Variants in ZNF596 observed in about 807,000 individuals in gnomAD.
The protein encoded by ZNF596 is zinc finger protein 596.
A neutral mutation model predicts 48.3 loss-of-function variants in ZNF596; 45 were observed. The observed-to-expected ratio is 0.93, with a 90% confidence interval of 0.73 to 1.19. The LOEUF (loss-of-function observed/expected upper bound fraction) is 1.19, where lower values mean the gene tolerates loss of function less well. ZNF596 is among the 50% of genes most tolerant of loss of function. ZNF596 has a pLI of 0.00. For synonymous variants in ZNF596, 270 were observed against 202.0 expected, an observed-to-expected ratio of 1.34 and a Z score of -2.85; for missense variants, 848 against 599.7, an observed-to-expected ratio of 1.41 and a Z score of -4.32.
chr8:245,759 T>G lies in ZNF596; in HGVS notation c.912T>G (p.Asp304Glu). Residue 304 changes from aspartate to glutamate, a missense_variant, in exon 6 of 6, where the codon GAT (aspartate) becomes GAG (glutamate). By Grantham distance (45) the Asp-to-Glu change is conservative (BLOSUM62 2). Coordinates refer to ENST00000398612, the MANE Select transcript of ZNF596 (RefSeq NM_001042416.3). ...LRKHERTHLG[D>E]KPYGCLLCGK... ...AACATGAGAGAACTCACTTAGGAGA[T>G]AAACCATATGGATGTCTCCTATGTG... The G allele has an allele frequency of 3.1e-6, 5 of 1,612,750 alleles. 1 individual carries two copies. The South Asian group carries it at 4.4e-5, about 14-fold the overall frequency.
intron 1 of ZNF596, chr8:233,217 C>A: frequency 2.3e-6 from 1 of 429,816 alleles, no homozygotes. Context: ...TGGAAATAGA[C>A]AAAATGGGAA....
rs1797056459 is a variant in ZNF596 at position 245,875 on chromosome 8, C to G, written c.1028C>G (p.Ala343Gly). 1.2e-6 allele frequency: 2 copies of G among 1,613,934 alleles called. No homozygotes were observed. The highest frequency in any genetic ancestry group is 1.3e-5 in the African/African-American group (1 of 74,902). The change falls in exon 6 of 6, where the codon GCC (alanine) becomes GGC (glycine). Residue 343 changes from alanine (A) to glycine (G), a missense_variant. By Grantham distance (60) the Ala-to-Gly change is moderately conservative. Coordinates refer to ENST00000398612, the MANE Select transcript of ZNF596 (RefSeq NM_001042416.3). ...KPYECHLCGK[A>G]FSHCSHLRQH... The stretch of plus-strand genomic sequence containing the variant: ...TATGAATGTCATCTATGTGGAAAAG[C>G]CTTCTCTCATTGTTCTCACCTTAGA...
intron 1 of ZNF596, chr8:240,181 C>A (rs113163262): frequency 2.6e-5 from 4 of 152,308 alleles, no homozygotes; most frequent in African/African-American, 9.6e-5. Context: ...ACTTGAGGAA[C>A]TCCCTTTAGC....
chr8:237,525 C>T (rs1796667744), intron 1 of ZNF596: 1 of 151,960 alleles, frequency 6.6e-6, no homozygotes, highest in Non-Finnish European at 1.5e-5. Flanking sequence ...ATTGGAATAC[C>T]CCTTTGATTT....
rs892166161 is a variant in ZNF596 at position 243,790 on chromosome 8, A to G, written c.208A>G (p.Ile70Val). 3 of 1,613,534 alleles carry G rather than the reference A, an allele frequency of 1.9e-6. No homozygotes were observed. Among genetic ancestry groups the G allele is most frequent in the Non-Finnish European group, 8.5e-7 (1 of 1,179,732 alleles). The change falls in exon 4 of 6, where the codon ATA (isoleucine) becomes GTA (valine). Residue 70 changes from isoleucine (I) to valine (V), a missense_variant. Transcript: ENST00000398612. Reference protein sequence around the residue: ...EQVEKLSTQRISLLQGREVGI... With the variant: ...EQVEKLSTQRVSLLQGREVGI... ...AGTAGAGAAACTTTCAACACAAAGAATAAGCTTACTGCAAGGTGAGCTCTA... is the reference window on the plus strand; with the variant it reads ...AGTAGAGAAACTTTCAACACAAAGAGTAAGCTTACTGCAAGGTGAGCTCTA...
At chr8:241,390 G>C (rs1457679499) in intron 2 of ZNF596, among the ~76,000 whole-genome samples, 1 of 152,140 alleles carries the variant, frequency 6.6e-6, no homozygotes, top group East Asian at 1.9e-4. Flanking sequence ...ATAGGGTTAG[G>C]ACAGAGGAGA....
chr8:244,622 G>A lies in ZNF596; in HGVS notation c.227G>A (p.Arg76Lys). Residue 76 changes from arginine (R) to lysine (K), a missense_variant, in exon 5 of 6, where the codon AGA becomes AAA. Transcript: ENST00000398612. Reference sequence around the variant, plus strand: ...TTTTTTTTTTCATTTATTTCAGGTAGAGAAGTTGGCATTAAACATCAAGAG... The same window carrying A: ...TTTTTTTTTTCATTTATTTCAGGTAAAGAAGTTGGCATTAAACATCAAGAG... ...STQRISLLQG[R>K]EVGIKHQEIP... The A allele has an allele frequency of 6.2e-7, 1 of 1,605,604 alleles. No individual in the cohort carries two copies. The highest frequency in any genetic ancestry group is 1.1e-5 in the South Asian group (1 of 89,934).
At chr8:240,172 C>A (rs1796794545) in intron 1 of ZNF596, 1 of 152,182 alleles carries the variant, frequency 6.6e-6, no homozygotes, top group African/African-American at 2.4e-5. Flanking sequence ...TTCATTTCAA[C>A]TTGAGGAACT....
rs766399964 is a variant in ZNF596 at position 245,519 on chromosome 8, A to G, written c.672A>G (p.Gly224=). ...EMIHTGEKPH[G]CHLCGKAFTH... ...TTCACACTGGAGAGAAACCACACGG[A>G]TGTCATCTATGTGGGAAAGCCTTTA... The change falls in exon 6 of 6, where the codon GGA becomes GGG. Residue 224 remains glycine (G), a synonymous_variant. Coordinates refer to ENST00000398612, the MANE Select transcript of ZNF596 (RefSeq NM_001042416.3). 6 of 1,614,100 alleles carry G rather than the reference A, an allele frequency of 3.7e-6. No individual in the cohort carries two copies. The highest frequency in any genetic ancestry group is 2.2e-5 in the East Asian group (1 of 44,864).
intron 1 of ZNF596, chr8:233,052 G>T: frequency 6.4e-6 from 3 of 468,476 alleles, no homozygotes; most frequent in Non-Finnish European, 1.3e-5. Flanking sequence ...ATGTCGAGGT[G>T]GGGCAGGAGA....
upstream of ZNF596, chr8:232,401 C>T (rs542139607): frequency 5.0e-6 from 1 of 199,686 alleles, no homozygotes; most frequent in Non-Finnish European, 1.1e-5. Flanking sequence ...TTCTCCGGAG[C>T]CGAGGTCCGC....
Position 242,406 on chromosome 8 carries a change from T to C in ZNF596, c.13-481T>C, listed in dbSNP as rs185327456. Among the ~76,000 whole-genome samples, 13 of 147,448 alleles carry C rather than the reference T, an allele frequency of 8.8e-5. No individual in the cohort carries two copies. The East Asian group carries it at 1.5e-3, about 17-fold the overall frequency. On this transcript the variant is annotated intron_variant, in intron 2 of 5. Transcript: ENST00000398612. ...AGGAACCACTTTACATACTATCTCA[T>C]TGGACCTTTTTGAACTCATAACAGG...
Position 245,261 on chromosome 8 carries a change from C to A in ZNF596, c.414C>A (p.His138Gln). ...TGATTACCTACATGAGAACGAAACA[C>A]TTTGTAAGCAAAAAGTTTGGGAAAA... ...QNVITYMRTK[H>Q]FVSKKFGKIF... The change falls in exon 6 of 6, where the codon CAC (histidine) becomes CAA (glutamine). Residue 138 changes from histidine to glutamine, a missense_variant. By Grantham distance (24) the His-to-Gln change is conservative. Coordinates refer to ENST00000398612, the MANE Select transcript of ZNF596 (RefSeq NM_001042416.3). The A allele has an allele frequency of 1.2e-6, 2 of 1,614,042 alleles. No homozygotes were observed. The highest frequency in any genetic ancestry group is 1.7e-6 in the Non-Finnish European group (2 of 1,179,996).
rs1338614304 is a variant in ZNF596 at position 247,173 on chromosome 8, AAACAT to A, written c.*814_*818del. 2 of 152,218 alleles carry A rather than the reference AAACAT, an allele frequency of 1.3e-5. No homozygotes were observed. The highest frequency in any genetic ancestry group is 2.9e-5 in the Non-Finnish European group (2 of 68,044). 9.4% of individuals were successfully genotyped at this position (152,218 alleles called of 1,614,324 possible). A position where few individuals can be genotyped will look rare whatever the true frequency, so the allele number is the denominator to read the frequency against. On this transcript the variant is annotated 3_prime_UTR_variant, in exon 6 of 6. Transcript: ENST00000398612. ...TGATGAGATGTATAGCTGGGGGACA[AAACAT>A]AAAGCCATCAAGCACGTGCTTGAGA...
intron 1 of ZNF596, chr8:236,933 AT>A (rs1796640762): frequency 6.6e-6 from 1 of 152,162 alleles, no homozygotes; most frequent in Non-Finnish European, 1.5e-5. Context: ...GGACAGGCTT[AT>A]TTTTCTCCTT....
At chr8:243,350 A>G (rs541566028) in intron 3 of ZNF596, 7 of 273,340 alleles carry the variant, frequency 2.6e-5, no homozygotes, top group South Asian at 2.0e-4. Flanking sequence ...TAATTATTCT[A>G]TCATAGGGAC....
intron 5 of ZNF596, 146 bp from the exon 6 acceptor site, chr8:245,008 A>G: frequency 1.0e-6 from 1 of 984,534 alleles, no homozygotes; most frequent in Non-Finnish European, 1.4e-6. Flanking sequence ...ATAATATACT[A>G]CGTTTGTATA....
intron 1 of ZNF596, chr8:233,151 T>A (rs1316655491): frequency 1.1e-5 from 5 of 467,232 alleles, no homozygotes; most frequent in African/African-American, 2.1e-5. Context: ...TCTGAGGAAT[T>A]TGAACAAACA....
chr8:245,969 A>C lies in ZNF596; in HGVS notation c.1122A>C (p.Glu374Asp). Residue 374 changes from glutamate to aspartate, a missense_variant, in exon 6 of 6, where the codon GAA (glutamate) becomes GAC (aspartate). Transcript: ENST00000398612. ...GCHLCGKAFTESSVLKRHERI... is the reference protein window; with the variant it reads ...GCHLCGKAFTDSSVLKRHERI... The stretch of plus-strand genomic sequence containing the variant: ...ATCTATGTGGGAAAGCATTCACTGA[A>C]TCTTCTGTGCTTAAACGACATGAGA... 3.7e-6 allele frequency: 6 copies of C among 1,613,996 alleles called. No individual in the cohort carries two copies. The highest frequency in any genetic ancestry group is 5.1e-6 in the Non-Finnish European group (6 of 1,179,984).
Sources: allele counts gnomAD v4.1 joint callset (sites outside exome capture counted in the v4.1 genomes callset), GRCh38; gene constraint gnomAD v4.1.1; transcripts MANE v1.5; gene names NCBI Gene and HGNC (gene_info 2026-07-23, HGNC 2026-07-21).